SCTR: variants seen among roughly 807,000 people sequenced by gnomAD.
SCTR encodes the protein secretin receptor.
SCTR carries 56 observed loss-of-function variants against 60.8 expected under a neutral mutation model. The ratio of observed to expected loss-of-function variants is 0.92; its 90% CI spans 0.74 to 1.15. The LOEUF (loss-of-function observed/expected upper bound fraction) is 1.15. SCTR is among the 50% of genes most tolerant of loss of function. The pLI is 0.00. For synonymous variants in SCTR, 202 were observed against 217.0 expected, an observed-to-expected ratio of 0.93 and a Z score of 0.61; for missense variants, 562 against 550.4, an observed-to-expected ratio of 1.02 and a Z score of -0.21.
At chr2:119,487,964 C>A (rs1037339920) in intron 2 of SCTR, among the ~76,000 whole-genome samples, 8 of 152,300 alleles carry the variant, frequency 5.3e-5, no homozygotes, top group Admixed American at 3.3e-4. Flanking sequence ...CCCCTGGACA[C>A]CAGATCTAGG....
Position 119,524,336 on chromosome 2 carries a change from G to T in SCTR, c.-110C>A, listed in dbSNP as rs531226476. 5.4e-4 allele frequency: 358 copies of T among 661,158 alleles called. 7 individuals carry two copies. The South Asian group carries it at 0.012, about 22-fold the overall frequency. The allele number at this position is 661,158 out of a possible 1,614,324, so 41.0% of individuals were successfully genotyped here. On this transcript the variant is annotated 5_prime_UTR_variant, in exon 1 of 13. Coordinates refer to ENST00000019103, the MANE Select transcript of SCTR (RefSeq NM_002980.3). ...GTCCCGGGCTCCGGCCGGCCGCTGC[G>T]CCCCGAGGAGCCATGGCTGAGCCAC...
In SCTR at chr2:119,477,354, T is replaced by C. The variant is rs536154111; in HGVS notation, c.301+1457A>G. 3.9e-5 allele frequency among the ~76,000 whole-genome samples: 6 copies of C among 152,266 alleles called. No individual in the cohort carries two copies. In the East Asian group the frequency reaches 1.2e-3, roughly 29 times the overall value. On this transcript the variant is annotated intron_variant, in intron 3 of 12. Coordinates refer to ENST00000019103, the MANE Select transcript of SCTR (RefSeq NM_002980.3). Reference sequence around the variant, plus strand: ...GCCTGGAAACTATGTGATGCCACGGTTGTGAGGTGTGGGGTGCTGGGGTCA... The same window carrying C: ...GCCTGGAAACTATGTGATGCCACGGCTGTGAGGTGTGGGGTGCTGGGGTCA...
intron 9 of SCTR, among the ~76,000 whole-genome samples, chr2:119,451,155 C>A (rs550580989): frequency 6.6e-6 from 1 of 152,260 alleles, no homozygotes; most frequent in African/African-American, 2.4e-5. Context: ...GCAGGTGAGC[C>A]TGCACAGGAC....
chr2:119,506,218 A>C (rs1229179830), intron 1 of SCTR, among the ~76,000 whole-genome samples: 1 of 152,216 alleles, frequency 6.6e-6, no homozygotes, highest in Non-Finnish European at 1.5e-5. Flanking sequence ...TATTTATAGC[A>C]GCTTTATTCA....
intron 1 of SCTR, among the ~76,000 whole-genome samples, chr2:119,508,471 C>T (rs1262333241): frequency 7.0e-6 from 1 of 142,136 alleles, no homozygotes; most frequent in African/African-American, 2.6e-5. Context: ...ACTGCAGCCT[C>T]GACCTCCCAG....
At position 119,524,172 on chromosome 2, in the gene SCTR, C is replaced by A; in HGVS notation, c.55G>T (p.Ala19Ser). The change falls in exon 1 of 13, where the codon GCC (alanine) becomes TCC (serine). Residue 19 changes from alanine to serine, a missense_variant. Coordinates refer to ENST00000019103, the MANE Select transcript of SCTR (RefSeq NM_002980.3). ...LQQLLLPVLL[A>S]CAAHSTGALP... ...GTACTCACCGAGTGCGCGGCGCAGG[C>A]GAGCAGCACCGGCAGTAGTAGCTGC... 3 of 1,534,648 alleles carry A rather than the reference C, an allele frequency of 2.0e-6. No individual in the cohort carries two copies. The highest frequency in any genetic ancestry group is 2.6e-6 in the Non-Finnish European group (3 of 1,139,528).
intron 11 of SCTR, among the ~76,000 whole-genome samples, chr2:119,445,285 C>G (rs1682883656): frequency 6.6e-6 from 1 of 152,210 alleles, no homozygotes; most frequent in East Asian, 1.9e-4. Context: ...GTGTGCCCAG[C>G]CTCCCTGGAC....
At chr2:119,443,831 GCC>G (rs1023294082) in intron 11 of SCTR, among the ~76,000 whole-genome samples, 2 of 152,196 alleles carry the variant, frequency 1.3e-5, no homozygotes, top group African/African-American at 4.8e-5. Context: ...ACAGGCGTGA[GCC>G]CCCGCGCCCG....
At chr2:119,479,477 A>G (rs1677499613) in intron 2 of SCTR, 1 of 160,904 alleles carries the variant, frequency 6.2e-6, no homozygotes, top group Non-Finnish European at 1.3e-5. Context: ...CTCAAACTTC[A>G]GCTTGCATCA....
intron 11 of SCTR, among the ~76,000 whole-genome samples, chr2:119,444,306 AATATATACACATATATACGTATGAAT>A (rs1558830949): frequency 0.027 from 329 of 12,152 alleles, 5 homozygotes; most frequent in East Asian, 0.07. Flanking sequence ...TATACGTATG[AATATATACACATATATACGTATGAAT>A]ATATATACAC....
At chr2:119,475,913 T>C (rs1558858956) in intron 3 of SCTR, among the ~76,000 whole-genome samples, 2 of 151,884 alleles carry the variant, frequency 1.3e-5, no homozygotes, top group African/African-American at 2.4e-5. Context: ...TTGTGTTTTT[T>C]AATAAGGAAC....
Position 119,524,376 on chromosome 2 carries a change from G to T in SCTR, c.-150C>A. ...GGCTGAGCCACCCGACCTGCGGCGG[G>T]CCCCGGGACTGCTCCTCCTCGGACC... is the stretch of plus-strand genomic sequence containing the variant. On this transcript the variant is annotated 5_prime_UTR_variant, in exon 1 of 13. Coordinates refer to ENST00000019103, the MANE Select transcript of SCTR (RefSeq NM_002980.3). 1 of 454,958 alleles carries T rather than the reference G, an allele frequency of 2.2e-6. No homozygotes were observed. Among genetic ancestry groups the T allele is most frequent in the Non-Finnish European group, 3.7e-6 (1 of 271,598 alleles). The allele number at this position is 454,958 out of a possible 1,614,324, so 28.2% of individuals were successfully genotyped here.
intron 11 of SCTR, among the ~76,000 whole-genome samples, chr2:119,442,732 T>TG (rs535101155): frequency 1.4e-3 from 213 of 152,260 alleles, no homozygotes; most frequent in Non-Finnish European, 2.2e-3. Context: ...TAGAATCACC[T>TG]GGGACCTTTT....
intron 1 of SCTR, among the ~76,000 whole-genome samples, chr2:119,512,942 A>G (rs1007512544): frequency 4.6e-5 from 7 of 152,220 alleles, no homozygotes; most frequent in Non-Finnish European, 8.8e-5. Context: ...CACTTTTCTC[A>G]TGATTGTTTG....
intron 1 of SCTR, among the ~76,000 whole-genome samples, chr2:119,518,666 T>G (rs1483260806): frequency 6.6e-6 from 1 of 152,216 alleles, no homozygotes; most frequent in Non-Finnish European, 1.5e-5. Flanking sequence ...GGTTTTACCT[T>G]GAGCTGCAGG....
chr2:119,464,234 G>C lies in SCTR; in HGVS notation c.525C>G (p.Asn175Lys). ...CAFRRLHCTRNYIHMHLFVSF... is the reference protein window; with the variant it reads ...CAFRRLHCTRKYIHMHLFVSF... ...ACACGAACAGGTGCATGTGGATGTA[G>C]TTGCGAGTGCAGTGGAGCCTCCTGC... The change falls in exon 6 of 13, where the codon AAC (asparagine) becomes AAG (lysine). Residue 175 changes from asparagine (N) to lysine (K), a missense_variant. Coordinates refer to ENST00000019103, the MANE Select transcript of SCTR (RefSeq NM_002980.3). 1.9e-6 allele frequency: 3 copies of C among 1,614,230 alleles called. No homozygotes were observed. Among genetic ancestry groups the C allele is most frequent in the Non-Finnish European group, 2.5e-6 (3 of 1,180,044 alleles).
intron 1 of SCTR, among the ~76,000 whole-genome samples, chr2:119,518,155 C>T (rs145166531): frequency 2.0e-5 from 3 of 152,182 alleles, no homozygotes; most frequent in Admixed American, 6.5e-5. Context: ...CCTCCAGAAC[C>T]GCGAGATTAA....
At chr2:119,519,810 C>G (rs1474365574) in intron 1 of SCTR, among the ~76,000 whole-genome samples, 1 of 58,294 alleles carries the variant, frequency 1.7e-5, no homozygotes, top group Non-Finnish European at 3.3e-5. Flanking sequence ...GACTCTGTCT[C>G]AAAAAAAAAA....
At chr2:119,464,083 G>T in intron 6 of SCTR, 40 bp downstream of exon 6, 1 of 1,611,368 alleles carries the variant, frequency 6.2e-7, no homozygotes, top group Non-Finnish European at 8.5e-7. Context: ...GGGGAAGGCA[G>T]GCGGGCCTGG....
Sources: gnomAD v4.1 joint callset for allele counts (sites outside exome capture counted in the v4.1 genomes callset) on GRCh38, gnomAD v4.1.1 for gene constraint, MANE v1.5 for transcripts, NCBI Gene and HGNC (gene_info 2026-07-23, HGNC 2026-07-21) for gene names.